The following CSE1L variants were observed in gnomAD, a reference collection of about 807,000 sequenced individuals.
The protein encoded by CSE1L is exportin-2.
Under a neutral mutation model 120.4 loss-of-function variants are expected in CSE1L, and 24 were observed. That is an observed-to-expected ratio of 0.20 (90% confidence interval 0.14 to 0.28). CSE1L has a LOEUF of 0.28. Ranked by LOEUF, CSE1L falls within the 10% of genes least tolerant of loss-of-function variation. CSE1L has a pLI of 1.00. For synonymous variants in CSE1L, 402 were observed against 398.3 expected (o/e 1.01, Z -0.11); for missense variants, 830 against 1,145.2 (o/e 0.72, Z 3.97).
At chr20:49,065,568 A>C (rs2123690493) in intron 3 of CSE1L, among the ~76,000 whole-genome samples, 2 of 118,632 alleles carry the variant, frequency 1.7e-5, no homozygotes, top group Non-Finnish European at 3.5e-5. Context: ...GAGCCATCGC[A>C]CCTGGCCTAA....
At chr20:49,058,007 G>A (rs1232461061) in intron 1 of CSE1L, among the ~76,000 whole-genome samples, 1 of 152,064 alleles carries the variant, frequency 6.6e-6, no homozygotes, top group Non-Finnish European at 1.5e-5. Flanking sequence ...CTGAGCTCAA[G>A]CAGTCCACCC....
chr20:49,068,637 AGTGCAAGGCTGTTTCACTAAGAT>A (rs1363056937), intron 6 of CSE1L, 55 bp from the exon 7 acceptor site: 6 of 890,512 alleles, frequency 6.7e-6, no homozygotes, highest in Non-Finnish European at 9.3e-6. Context: ...GTCTCAGCTT[AGTGCAAGGCTGTTTCACTAAGAT>A]CAGCATGCTG....
chr20:49,078,452 TTTAA>T (rs2091985720), intron 13 of CSE1L, 105 bp from the exon 14 acceptor site: 2 of 720,296 alleles, frequency 2.8e-6, no homozygotes, highest in Non-Finnish European at 4.6e-6. Context: ...TTAACTGTGC[TTTAA>T]TTACTTGACA....
chr20:49,052,648 G>A (rs2091776464), intron 1 of CSE1L, among the ~76,000 whole-genome samples: 1 of 152,124 alleles, frequency 6.6e-6, no homozygotes, highest in African/African-American at 2.4e-5. Flanking sequence ...TTGTTTTGGA[G>A]ATAGGGTCTC....
chr20:49,046,771 CG>C (rs1276682961), intron 1 of CSE1L, among the ~76,000 whole-genome samples: 7 of 152,220 alleles, frequency 4.6e-5, no homozygotes, highest in Non-Finnish European at 1.5e-5. Context: ...CCTCTCCGCT[CG>C]GGAAGGCCGC....
At chr20:49,083,222 T>C (rs1342595249) in intron 14 of CSE1L, among the ~76,000 whole-genome samples, 1 of 152,040 alleles carries the variant, frequency 6.6e-6, no homozygotes, top group Admixed American at 6.6e-5. Flanking sequence ...GGTTTCACCA[T>C]GTTAGCCAGG....
chr20:49,060,423 A>C (rs2091842958), intron 2 of CSE1L, among the ~76,000 whole-genome samples: 1 of 151,316 alleles, frequency 6.6e-6, no homozygotes, highest in South Asian at 2.1e-4. Context: ...CGGAGGTTGC[A>C]GTTAACCGAG....
chr20:49,053,788 G>A (rs771063158), intron 1 of CSE1L, among the ~76,000 whole-genome samples: 2 of 152,066 alleles, frequency 1.3e-5, no homozygotes, highest in African/African-American at 4.8e-5. Flanking sequence ...GGGAGAGACT[G>A]GGCAATCCTC....
At position 49,094,808 on chromosome 20, in the gene CSE1L, A is replaced by T. The variant is rs144565007; in HGVS notation, c.2671A>T (p.Ile891Phe). The change falls in exon 24 of 25, where the codon ATT becomes TTT. Residue 891 changes from isoleucine (I) to phenylalanine (F), a missense_variant. By Grantham distance (21) the Ile-to-Phe change is conservative. Transcript: ENST00000262982. ...TACCATTCCTGATGAGGAACATTTTATTGACATAGAAGATACACCAGGATA... is the reference window on the plus strand; with the variant it reads ...TACCATTCCTGATGAGGAACATTTTTTTGACATAGAAGATACACCAGGATA... ...DDTIPDEEHF[I>F]DIEDTPGYQT... 1.1e-5 allele frequency: 17 copies of T among 1,614,006 alleles called. No homozygotes were observed. The African/African-American group carries it at 2.1e-4, about 20-fold the overall frequency.
chr20:49,074,149 T>C (rs1169393251), intron 10 of CSE1L, among the ~76,000 whole-genome samples: 1 of 145,250 alleles, frequency 6.9e-6, no homozygotes, highest in African/African-American at 2.5e-5. Flanking sequence ...AGGTGGAGGC[T>C]GCAGTGAGAC....
At chr20:49,085,447 A>C (rs530512425) in intron 16 of CSE1L, 61 bp downstream of exon 16, 4 of 1,182,250 alleles carry the variant, frequency 3.4e-6, no homozygotes, top group Admixed American at 3.6e-5. Flanking sequence ...AAGGGTGAGC[A>C]CTCTGAGTTA....
chr20:49,083,884 C>A, intron 14 of CSE1L, 142 bp from the exon 15 acceptor site: 2 of 781,902 alleles, frequency 2.6e-6, no homozygotes, highest in Non-Finnish European at 2.0e-6. Context: ...GTTTTGGTTT[C>A]TGGGCAGCAG....
At chr20:49,062,254 CATG>C (rs1321496452) in intron 2 of CSE1L, among the ~76,000 whole-genome samples, 1 of 152,150 alleles carries the variant, frequency 6.6e-6, no homozygotes, top group Admixed American at 6.5e-5. Context: ...TCAAGAAAGA[CATG>C]ATAAGCACAA....
intron 1 of CSE1L, among the ~76,000 whole-genome samples, chr20:49,046,818 G>A (rs565902779): frequency 6.6e-6 from 1 of 152,226 alleles, no homozygotes. Context: ...CATTCTCTGC[G>A]ACGGTGGCTG....
rs1172885180 is a variant in CSE1L at position 49,077,073 on chromosome 20, T to G, written c.1420+9T>G. On this transcript the variant is annotated intron_variant, in intron 13 of 24. Coordinates refer to ENST00000262982, the MANE Select transcript of CSE1L (RefSeq NM_001316.4). ...TTTAAAATCAGCTAATGGTGAGTTG[T>G]GAAATTCTTGCTTTTTTTACAGCTT... 25 of 1,584,292 alleles carry G rather than the reference T, an allele frequency of 1.6e-5. No individual in the cohort carries two copies. Among genetic ancestry groups the G allele is most frequent in the Non-Finnish European group, 2.0e-5 (23 of 1,162,310 alleles).
chr20:49,067,092 T>G, intron 5 of CSE1L, 98 bp from the exon 6 acceptor site: 2 of 349,036 alleles, frequency 5.7e-6, no homozygotes, highest in Non-Finnish European at 5.6e-6. Context: ...CGGAAACCCA[T>G]CTATTCATAG....
chr20:49,057,454 CTTTT>C (rs535693108), intron 1 of CSE1L, among the ~76,000 whole-genome samples: 4 of 112,762 alleles, frequency 3.5e-5, no homozygotes, highest in South Asian at 3.0e-4. Context: ...GTTGTGGGGC[CTTTT>C]TTTTTTTTTT....
intron 22 of CSE1L, among the ~76,000 whole-genome samples, chr20:49,093,405 C>T (rs2145757632): frequency 6.6e-6 from 1 of 152,012 alleles, no homozygotes; most frequent in South Asian, 2.1e-4. Context: ...TTTGCAACAA[C>T]ATAGAATGAT....
At chr20:49,056,267 G>A (rs534648711) in intron 1 of CSE1L, among the ~76,000 whole-genome samples, 1 of 152,106 alleles carries the variant, frequency 6.6e-6, no homozygotes, top group South Asian at 2.1e-4. Flanking sequence ...CACCATGCCC[G>A]GCTGATTTTG....
Sources: allele counts gnomAD v4.1 joint callset (sites outside exome capture counted in the v4.1 genomes callset), GRCh38; gene constraint gnomAD v4.1.1; transcripts MANE v1.5; gene names NCBI Gene and HGNC (gene_info 2026-07-23, HGNC 2026-07-21).